PLEKHH2: variants seen among roughly 807,000 people sequenced by gnomAD.
PLEKHH2 encodes the protein pleckstrin homology domain-containing family H member 2.
In PLEKHH2, 129 loss-of-function variants were observed where a neutral mutation model predicts 187.9. The observed-to-expected ratio is 0.69, with a 90% confidence interval of 0.59 to 0.79. PLEKHH2 has a LOEUF of 0.79. PLEKHH2 is among the 30% of genes least tolerant of loss of function. PLEKHH2 has a pLI of 0.00. For synonymous variants in PLEKHH2, 686 were observed against 605.6 expected, an observed-to-expected ratio of 1.13 and a Z score of -1.95; for missense variants, 2,076 against 1,751.2, an observed-to-expected ratio of 1.19 and a Z score of -3.31.
intron 2 of PLEKHH2, among the ~76,000 whole-genome samples, chr2:43,650,144 C>CTTTTTTTTTTTTTTTTTT (rs70965311): frequency 3.1e-5 from 3 of 95,666 alleles, no homozygotes; most frequent in African/African-American, 8.5e-5. Flanking sequence ...TTTTTCTTTC[C>CTTTTTTTTTTTTTTTTTT]TTTTTTTTTT....
intron 23 of PLEKHH2, 125 bp downstream of exon 23, chr2:43,744,114 T>G (rs1265480690): frequency 7.0e-7 from 1 of 1,419,362 alleles, no homozygotes; most frequent in Non-Finnish European, 9.2e-7. Context: ...CAATCTAATC[T>G]CCACGATAAG....
intron 28 of PLEKHH2, among the ~76,000 whole-genome samples, chr2:43,763,562 A>G (rs1672510293): frequency 6.7e-6 from 1 of 149,512 alleles, no homozygotes; most frequent in Non-Finnish European, 1.5e-5. Flanking sequence ...TGGGACCACA[A>G]GCATGTACTA....
chr2:43,668,444 G>A (rs1480348543), intron 2 of PLEKHH2, among the ~76,000 whole-genome samples: 1 of 151,956 alleles, frequency 6.6e-6, no homozygotes, highest in African/African-American at 2.4e-5. Context: ...GTTCTGTGTT[G>A]TCCCCTAGTC....
At chr2:43,668,062 C>T (rs765931225) in intron 2 of PLEKHH2, among the ~76,000 whole-genome samples, 5 of 152,096 alleles carry the variant, frequency 3.3e-5, no homozygotes, top group East Asian at 1.9e-4. Context: ...AGATGAAGTC[C>T]GGCTCTGTCA....
intron 2 of PLEKHH2, among the ~76,000 whole-genome samples, chr2:43,666,458 T>C (rs1029304420): frequency 6.8e-6 from 1 of 147,224 alleles, no homozygotes; most frequent in Non-Finnish European, 1.5e-5. Context: ...CTGGGAGCTG[T>C]AGACCGGAGC....
At chr2:43,685,696 C>G (rs2104447711) in intron 3 of PLEKHH2, among the ~76,000 whole-genome samples, 1 of 151,824 alleles carries the variant, frequency 6.6e-6, no homozygotes, top group Admixed American at 6.6e-5. Flanking sequence ...CCAGCCTCAG[C>G]CTTCCAAAGT....
At position 43,753,707 on chromosome 2, in the gene PLEKHH2, CT is replaced by C; in HGVS notation, c.3747del (p.Pro1250LeufsTer2). 1.9e-6 allele frequency: 3 copies of C among 1,583,996 alleles called. No individual in the cohort carries two copies. Among genetic ancestry groups the C allele is most frequent in the Admixed American group, 1.8e-5 (1 of 54,134 alleles). On this transcript the variant is annotated frameshift_variant, in exon 25 of 30. Coordinates refer to ENST00000282406, the MANE Select transcript of PLEKHH2 (RefSeq NM_172069.4). LOFTEE classifies it high-confidence loss of function. ...YQTNDQIINGLFPLNKDLALE... is the reference protein window; with the variant it reads ...YQTNDQIINGXFPLNKDLALE... Reference sequence around the variant, plus strand: ...GACAAATGATCAAATCATAAATGGACTTTTTCCTCTGAACAAAGATCTGGCA... The same window carrying C: ...GACAAATGATCAAATCATAAATGGACTTTTCCTCTGAACAAAGATCTGGCA...
chr2:43,754,196 ACACACAC>A (rs1290451300), intron 25 of PLEKHH2, among the ~76,000 whole-genome samples: 18 of 116,624 alleles, frequency 1.5e-4, no homozygotes, highest in Admixed American at 1.1e-3. Context: ...ACACACACAC[ACACACAC>A]ACAAAATTAA....
chr2:43,710,437 A>G, intron 13 of PLEKHH2, 52 bp from the exon 14 acceptor site: 1 of 1,584,466 alleles, frequency 6.3e-7, no homozygotes, highest in Admixed American at 1.9e-5. Flanking sequence ...AGCATTCCTT[A>G]TTATTACTGT....
At chr2:43,640,120 A>G (rs1194514805) in intron 1 of PLEKHH2, among the ~76,000 whole-genome samples, 1 of 152,210 alleles carries the variant, frequency 6.6e-6, no homozygotes, top group Non-Finnish European at 1.5e-5. Flanking sequence ...ATGACCCAGC[A>G]ACTCCAATGC....
rs745494476 is a variant in PLEKHH2 at position 43,729,689 on chromosome 2, T to C, written c.2774T>C (p.Val925Ala). 14 of 1,610,002 alleles carry C rather than the reference T, an allele frequency of 8.7e-6. No homozygotes were observed. Among genetic ancestry groups the C allele is most frequent in the Admixed American group, 3.4e-5 (2 of 58,956 alleles). Residue 925 changes from valine to alanine, a missense_variant, in exon 18 of 30, where the codon GTT becomes GCT. By Grantham distance (64) the Val-to-Ala change is moderately conservative. Coordinates refer to ENST00000282406, the MANE Select transcript of PLEKHH2 (RefSeq NM_172069.4). ...GCAGCTGGAAGCAACAATGTAAACGTTGGATCTGAATTTGAACAACTGGTT... is the reference window on the plus strand; with the variant it reads ...GCAGCTGGAAGCAACAATGTAAACGCTGGATCTGAATTTGAACAACTGGTT... ...TVAAGSNNVN[V>A]GSEFEQLVCK...
rs777260826 is a variant in PLEKHH2, at chr2:43,742,824, C to G, written c.3305C>G (p.Ser1102Ter). The change falls in exon 22 of 30, where the codon TCA becomes TGA. Residue 1102 changes from serine to a stop codon, truncating the protein, a stop_gained. Coordinates refer to ENST00000282406, the MANE Select transcript of PLEKHH2 (RefSeq NM_172069.4). LOFTEE classifies it high-confidence loss of function. ...AATGGTGACAGAGAAGCAAGACCCT[C>G]AAGGATGGAAATTCTTTCAACTCTT... ...QQNGDREARPSRMEILSTLLR... is the reference protein window; with the variant it reads ...QQNGDREARP 2 of 1,608,624 alleles carry G rather than the reference C, an allele frequency of 1.2e-6. No homozygotes were observed. The highest frequency in any genetic ancestry group is 2.2e-5 in the South Asian group (2 of 89,926).
In PLEKHH2 at chr2:43,726,456, T is replaced by G. The variant is rs760203417; in HGVS notation, c.2721+5T>G. 5 of 1,591,226 alleles carry G rather than the reference T, an allele frequency of 3.1e-6. No individual in the cohort carries two copies. In the South Asian group the frequency reaches 5.5e-5, roughly 18 times the overall value. ...ATTGGATCCAAGCATGAAAAGGTAT[T>G]CAAAGACTTATTGGTTGATTTAGAA... On this transcript the variant is annotated splice_donor_5th_base_variant and intron_variant, in intron 17 of 29. Transcript: ENST00000282406.
At chr2:43,681,346 A>C (rs1356505833) in intron 3 of PLEKHH2, 1 of 1,183,130 alleles carries the variant, frequency 8.5e-7, no homozygotes, top group Non-Finnish European at 1.2e-6. Flanking sequence ...CATTGGGGTC[A>C]CCTGTCATCA....
intron 18 of PLEKHH2, 140 bp downstream of exon 18, chr2:43,729,885 G>A (rs529831701): frequency 1.3e-4 from 67 of 511,376 alleles, no homozygotes; most frequent in African/African-American, 8.9e-4. Flanking sequence ...CTCATCATGG[G>A]AGAGAATTCT....
At chr2:43,686,477 G>A (rs1477163961) in intron 3 of PLEKHH2, among the ~76,000 whole-genome samples, 2 of 152,180 alleles carry the variant, frequency 1.3e-5, no homozygotes, top group African/African-American at 2.4e-5. Context: ...GATTTCAGGC[G>A]TGAGCCACTG....
chr2:43,654,707 C>T (rs560914735), intron 2 of PLEKHH2, among the ~76,000 whole-genome samples: 2 of 37,910 alleles, frequency 5.3e-5, no homozygotes, highest in Non-Finnish European at 1.3e-4. Flanking sequence ...GTAAGACACC[C>T]CCCCCCCCCG....
intron 3 of PLEKHH2, among the ~76,000 whole-genome samples, chr2:43,691,508 C>A (rs115907496): frequency 6.6e-6 from 1 of 152,132 alleles, no homozygotes; most frequent in Non-Finnish European, 1.5e-5. Flanking sequence ...TGGGATCAAT[C>A]GAAAGAAAGT....
intron 2 of PLEKHH2, among the ~76,000 whole-genome samples, chr2:43,678,617 G>A (rs1284689724): frequency 6.6e-6 from 1 of 152,070 alleles, no homozygotes; most frequent in Non-Finnish European, 1.5e-5. Flanking sequence ...GGCTGAGGCA[G>A]GAGAATCAGG....
Sources: allele counts gnomAD v4.1 joint callset (sites outside exome capture counted in the v4.1 genomes callset), GRCh38; gene constraint gnomAD v4.1.1; transcripts MANE v1.5; gene names NCBI Gene and HGNC (gene_info 2026-07-23, HGNC 2026-07-21).